TARS3: variants seen among roughly 807,000 people sequenced by gnomAD.
The protein encoded by TARS3 is threonine--tRNA ligase 2, cytoplasmic.
A neutral mutation model predicts 103.5 loss-of-function variants in TARS3; 94 were observed. That is an observed-to-expected ratio of 0.91 (90% CI 0.77 to 1.08). TARS3 has a LOEUF of 1.08. Ranked by LOEUF, TARS3 falls within the 50% of genes least tolerant of loss-of-function variation. The pLI is 0.00. For missense variants in TARS3, 952 were observed against 995.2 expected (o/e 0.96, Z 0.58); for synonymous variants, 416 against 355.4 (o/e 1.17, Z -1.92).
chr15:101,713,274 G>A (rs758768144), intron 4 of TARS3, among the ~76,000 whole-genome samples: 3 of 152,200 alleles, frequency 2.0e-5, no homozygotes, highest in Admixed American at 6.5e-5. Flanking sequence ...TGACTAACAC[G>A]TAGGGGATGT....
rs751747639 is a variant in TARS3, at chr15:101,678,849, G to A, written c.1651-3112C>T. 7.9e-5 allele frequency among the ~76,000 whole-genome samples: 12 copies of A among 152,098 alleles called. No homozygotes were observed. The East Asian group carries it at 2.3e-3, about 29-fold the overall frequency. On this transcript the variant is annotated intron_variant, in intron 12 of 18. Transcript: ENST00000335968. ...AACTTCCTACAGCCATTCTTTTGGT[G>A]GGTCCAATGTCTTGATTTCCCCTCA... is the stretch of plus-strand genomic sequence containing the variant.
chr15:101,699,270 CTGTGTCTG>C (rs1344362549), intron 10 of TARS3: 13 of 349,954 alleles, frequency 3.7e-5, no homozygotes, highest in Non-Finnish European at 5.6e-6. Context: ...TCAGTGTCGC[CTGTGTCTG>C]TCAAATATTC....
chr15:101,723,695 A>C (rs1357500304), intron 1 of TARS3, among the ~76,000 whole-genome samples: 2 of 152,364 alleles, frequency 1.3e-5, no homozygotes, highest in East Asian at 1.9e-4. Context: ...TCCAAAAAAA[A>C]CCCAACAACA....
chr15:101,670,713 T>C (rs1897760501), intron 15 of TARS3, among the ~76,000 whole-genome samples: 1 of 152,196 alleles, frequency 6.6e-6, no homozygotes, highest in Non-Finnish European at 1.5e-5. Context: ...CACTAATATC[T>C]ACAGCAGTTC....
intron 3 of TARS3, among the ~76,000 whole-genome samples, chr15:101,720,657 A>G (rs1203912482): frequency 6.6e-6 from 1 of 152,214 alleles, no homozygotes; most frequent in Non-Finnish European, 1.5e-5. Flanking sequence ...ACTGAATAAA[A>G]AAAAAATTAG....
At chr15:101,672,935 G>A (rs1193634045) in intron 13 of TARS3, among the ~76,000 whole-genome samples, 1 of 152,160 alleles carries the variant, frequency 6.6e-6, no homozygotes, top group African/African-American at 2.4e-5. Context: ...AAAAAGCCAA[G>A]GAAAGGCCAA....
At chr15:101,695,691 T>G (rs943878420) in intron 10 of TARS3, 1 of 151,544 alleles carries the variant, frequency 6.6e-6, no homozygotes, top group African/African-American at 2.4e-5. Context: ...TCACCTGAGG[T>G]TGGGAGTTTG....
At chr15:101,680,924 G>C (rs2141402567) in intron 12 of TARS3, among the ~76,000 whole-genome samples, 1 of 152,032 alleles carries the variant, frequency 6.6e-6, no homozygotes, top group South Asian at 2.1e-4. Flanking sequence ...TAGAAGTTTT[G>C]TATTTTTATG....
At chr15:101,689,381 T>C (rs1898611019) in intron 10 of TARS3, among the ~76,000 whole-genome samples, 1 of 152,186 alleles carries the variant, frequency 6.6e-6, no homozygotes, top group Admixed American at 6.5e-5. Context: ...ATTCTCCAAA[T>C]AAGATATTTT....
chr15:101,702,117 G>A, intron 9 of TARS3, 122 bp downstream of exon 9: 2 of 1,176,964 alleles, frequency 1.7e-6, no homozygotes, highest in Non-Finnish European at 2.4e-6. Flanking sequence ...GACTGTGAGT[G>A]CCAGCAAAAT....
chr15:101,671,210 T>C (rs1185940108), intron 15 of TARS3, among the ~76,000 whole-genome samples: 1 of 152,124 alleles, frequency 6.6e-6, no homozygotes, highest in Non-Finnish European at 1.5e-5. Context: ...TGTGAAGTCT[T>C]CCCCCTGTAA....
intron 1 of TARS3, 39 bp from the exon 2 acceptor site, chr15:101,723,203 G>C (rs1332537454): frequency 1.3e-6 from 2 of 1,567,850 alleles, no homozygotes; most frequent in African/African-American, 1.4e-5. Flanking sequence ...TCAATGGCAA[G>C]AAAAAGCAAC....
At chr15:101,675,540 G>C in intron 13 of TARS3, 60 bp downstream of exon 13, 1 of 1,517,938 alleles carries the variant, frequency 6.6e-7, no homozygotes, top group East Asian at 2.3e-5. Context: ...GAAGACTGCA[G>C]CCTCTCAGGT....
chr15:101,724,204 A>G lies in TARS3; in HGVS notation c.184T>C (p.Cys62Arg), dbSNP rs1299039640. 9 of 1,527,246 alleles carry G rather than the reference A, an allele frequency of 5.9e-6. No individual in the cohort carries two copies. Among genetic ancestry groups the G allele is most frequent in the Non-Finnish European group, 7.9e-6 (9 of 1,143,564 alleles). The allele number at this position is 1,527,246 out of a possible 1,614,324, so 94.6% of individuals were successfully genotyped here. Reference protein sequence around the residue: ...REVAQLRAENCDLRHRLCSLR... With the variant: ...REVAQLRAENRDLRHRLCSLR... ...CTGCACAGGCGGTGGCGCAGGTCGC[A>G]GTTCTCGGCCCGGAGCTGCGCCACC... The change falls in exon 1 of 19, where the codon TGC becomes CGC. Residue 62 changes from cysteine to arginine, a missense_variant. Cys to Arg is a radical substitution (Grantham distance 180, BLOSUM62 -3). Around this residue, in one of 2 missense-constraint regions of TARS3, gnomAD observed 412 missense variants for 364.2 expected, o/e 1.13. Transcript: ENST00000335968.
chr15:101,720,315 G>A lies in TARS3; in HGVS notation c.566+811C>T, dbSNP rs1182340953. 2.0e-5 allele frequency among the ~76,000 whole-genome samples: 3 copies of A among 152,086 alleles called. No homozygotes were observed. In the South Asian group the frequency reaches 6.2e-4, roughly 32 times the overall value. ...TTTATACAATAGCTTCTATACAATTGTATTTAATGCTAAGAATTAACATGA... is the reference window on the plus strand; with the variant it reads ...TTTATACAATAGCTTCTATACAATTATATTTAATGCTAAGAATTAACATGA... On this transcript the variant is annotated intron_variant, in intron 3 of 18. Coordinates refer to ENST00000335968, the MANE Select transcript of TARS3 (RefSeq NM_152334.3).
intron 13 of TARS3, among the ~76,000 whole-genome samples, chr15:101,672,297 A>G (rs1897840934): frequency 6.6e-6 from 1 of 152,122 alleles, no homozygotes; most frequent in Non-Finnish European, 1.5e-5. Flanking sequence ...AGCCTAAGCC[A>G]CCACATGCCT....
intron 7 of TARS3, among the ~76,000 whole-genome samples, chr15:101,704,387 G>GCT (rs1899435327): frequency 6.6e-6 from 1 of 152,166 alleles, no homozygotes; most frequent in South Asian, 2.1e-4. Flanking sequence ...GGGTGTGGTG[G>GCT]CTCACACCTG....
chr15:101,694,445 G>C (rs1392407370), intron 10 of TARS3, among the ~76,000 whole-genome samples: 1 of 152,182 alleles, frequency 6.6e-6, no homozygotes, highest in East Asian at 1.9e-4. Context: ...CAAGGCAAAG[G>C]CTACTGATAT....
intron 7 of TARS3, 31 bp downstream of exon 7, chr15:101,705,652 T>C: frequency 1.3e-6 from 2 of 1,593,990 alleles, no homozygotes; most frequent in South Asian, 1.1e-5. Flanking sequence ...AGTTTACCAC[T>C]GAGCAGCGTT....
Sources: gnomAD v4.1 joint callset for allele counts (sites outside exome capture counted in the v4.1 genomes callset) on GRCh38, gnomAD v4.1.1 for gene constraint, gnomAD v4.1.1 regional missense constraint, MANE v1.5 for transcripts, NCBI Gene and HGNC (gene_info 2026-07-23, HGNC 2026-07-21) for gene names.